The following LHFPL3 variants were observed in gnomAD, a reference collection of about 807,000 sequenced individuals.
The protein encoded by LHFPL3 is LHFPL tetraspan subfamily member 3.
Under a neutral mutation model 19.3 loss-of-function variants are expected in LHFPL3, and 5 were observed. That is an observed-to-expected ratio of 0.26 (90% CI 0.14 to 0.54). The LOEUF (loss-of-function observed/expected upper bound fraction) is 0.54. Among genes scored for constraint, LHFPL3 ranks in the 20% least tolerant of loss-of-function variants. The pLI, the probability that LHFPL3 is intolerant of heterozygous loss-of-function variation, is 0.94. For missense variants in LHFPL3, 249 were observed against 307.4 expected (o/e 0.81, Z 1.42); for synonymous variants, 133 against 126.2 (o/e 1.05, Z -0.36).
chr7:104,375,650 C>T (rs1026149352), intron 1 of LHFPL3, among the ~76,000 whole-genome samples: 4 of 152,056 alleles, frequency 2.6e-5, no homozygotes, highest in East Asian at 1.9e-4. Context: ...TTGAAATGTT[C>T]GTAACATTTA....
intron 1 of LHFPL3, among the ~76,000 whole-genome samples, chr7:104,645,055 T>C (rs1454718606): frequency 6.6e-6 from 1 of 152,216 alleles, no homozygotes; most frequent in East Asian, 1.9e-4. Flanking sequence ...AGGCAGCCAT[T>C]CAGGTTTTTC....
At chr7:104,382,627 G>T (rs916459629) in intron 1 of LHFPL3, among the ~76,000 whole-genome samples, 1 of 152,188 alleles carries the variant, frequency 6.6e-6, no homozygotes, top group African/African-American at 2.4e-5. Context: ...CCAAGTTTGA[G>T]TACCACTGAC....
chr7:104,558,130 A>C (rs1450613290), intron 1 of LHFPL3, among the ~76,000 whole-genome samples: 22 of 150,752 alleles, frequency 1.5e-4, no homozygotes, highest in Non-Finnish European at 2.5e-4. Flanking sequence ...ATAATGCCGC[A>C]ATAAACATAC....
chr7:104,365,766 C>A (rs1790475371), intron 1 of LHFPL3, among the ~76,000 whole-genome samples: 2 of 101,834 alleles, frequency 2.0e-5, no homozygotes, highest in East Asian at 3.3e-4. Flanking sequence ...CCGGCCTGGG[C>A]GACAGAGCGA....
intron 1 of LHFPL3, among the ~76,000 whole-genome samples, chr7:104,584,702 A>T (rs1051478199): frequency 4.5e-4 from 69 of 152,238 alleles, no homozygotes; most frequent in African/African-American, 1.6e-3. Flanking sequence ...GAACGAATGC[A>T]TTTTCTTAAG....
In LHFPL3 at chr7:104,680,115, C is replaced by T. The variant is rs147627266; in HGVS notation, c.446-56560C>T. Among the ~76,000 whole-genome samples the T allele has an allele frequency of 7.2e-5, 11 of 152,282 alleles. No individual in the cohort carries two copies. The East Asian group carries it at 9.6e-4, about 13-fold the overall frequency. ...TTCAAAGCAGACTCTTCTTCAGAGT[C>T]GCAGAGAGGAAGGAACGCAATGAGC... is the stretch of plus-strand genomic sequence containing the variant. On this transcript the variant is annotated intron_variant, in intron 1 of 2. Coordinates refer to ENST00000424859, the MANE Select transcript of LHFPL3 (RefSeq NM_199000.3).
At chr7:104,404,369 C>T (rs998848368) in intron 1 of LHFPL3, among the ~76,000 whole-genome samples, 6 of 152,140 alleles carry the variant, frequency 3.9e-5, no homozygotes, top group African/African-American at 1.4e-4. Context: ...TTTGGAGTTA[C>T]ACTTTTAACC....
intron 2 of LHFPL3, among the ~76,000 whole-genome samples, chr7:104,860,207 C>CAT (rs1491459615): frequency 6.6e-6 from 1 of 151,078 alleles, no homozygotes; most frequent in Non-Finnish European, 1.5e-5. Flanking sequence ...CACACACACA[C>CAT]GCATACCTCA....
chr7:104,389,290 T>C (rs1562882768), intron 1 of LHFPL3, among the ~76,000 whole-genome samples: 1 of 152,030 alleles, frequency 6.6e-6, no homozygotes, highest in Non-Finnish European at 1.5e-5. Context: ...TCAAAAATAA[T>C]AAAATATTCA....
At chr7:104,386,216 G>T (rs1790939653) in intron 1 of LHFPL3, among the ~76,000 whole-genome samples, 1 of 152,150 alleles carries the variant, frequency 6.6e-6, no homozygotes, top group Non-Finnish European at 1.5e-5. Context: ...TTTTCAAAAA[G>T]TCCCATTCCC....
intron 2 of LHFPL3, among the ~76,000 whole-genome samples, chr7:104,807,011 A>ATATATGTGTG (rs1377044318): frequency 4.3e-5 from 6 of 139,672 alleles, no homozygotes; most frequent in African/African-American, 1.3e-4. Context: ...CAAAATATAT[A>ATATATGTGTG]TGTGTGTGTG....
At chr7:104,331,665 C>T (rs1389189721) in intron 1 of LHFPL3, among the ~76,000 whole-genome samples, 1 of 152,112 alleles carries the variant, frequency 6.6e-6, no homozygotes, top group Non-Finnish European at 1.5e-5. Flanking sequence ...AAAGTTTAGT[C>T]TAGGCCGGGC....
intron 2 of LHFPL3, among the ~76,000 whole-genome samples, chr7:104,792,352 A>C (rs1333413450): frequency 6.6e-6 from 1 of 152,210 alleles, no homozygotes; most frequent in Non-Finnish European, 1.5e-5. Flanking sequence ...AAGCCATAGC[A>C]AGTGTCTCAC....
At chr7:104,386,292 A>G (rs2116461794) in intron 1 of LHFPL3, among the ~76,000 whole-genome samples, 1 of 152,322 alleles carries the variant, frequency 6.6e-6, no homozygotes, top group East Asian at 1.9e-4. Context: ...GGGAATTGTC[A>G]TTATCTGACC....
chr7:104,501,301 G>A (rs1490343247), intron 1 of LHFPL3, among the ~76,000 whole-genome samples: 4 of 152,050 alleles, frequency 2.6e-5, no homozygotes, highest in Admixed American at 1.3e-4. Flanking sequence ...AACAGCATTC[G>A]TTCTACTAAT....
At chr7:104,579,686 T>C (rs1287737397) in intron 1 of LHFPL3, among the ~76,000 whole-genome samples, 2 of 152,220 alleles carry the variant, frequency 1.3e-5, no homozygotes, top group African/African-American at 4.8e-5. Context: ...TTACTCCATT[T>C]AGAGTTAAGC....
intron 2 of LHFPL3, among the ~76,000 whole-genome samples, chr7:104,881,766 T>C (rs1792061901): frequency 1.3e-5 from 2 of 152,148 alleles, no homozygotes; most frequent in Admixed American, 1.3e-4. Flanking sequence ...CAGCATCACG[T>C]GCTATAGAAA....
chr7:104,684,924 G>A (rs1792776901), intron 1 of LHFPL3, among the ~76,000 whole-genome samples: 1 of 152,106 alleles, frequency 6.6e-6, no homozygotes, highest in Non-Finnish European at 1.5e-5. Context: ...CCTCTTTTGA[G>A]GGAAAAAGAA....
At chr7:104,336,331 C>A (rs1324747865) in intron 1 of LHFPL3, among the ~76,000 whole-genome samples, 1 of 151,980 alleles carries the variant, frequency 6.6e-6, no homozygotes, top group Non-Finnish European at 1.5e-5. Context: ...TAGAAATAAT[C>A]TCCCTCAGCA....
Sources: gnomAD v4.1 joint callset for allele counts (sites outside exome capture counted in the v4.1 genomes callset) on GRCh38, gnomAD v4.1.1 for gene constraint, MANE v1.5 for transcripts, NCBI Gene and HGNC (gene_info 2026-07-23, HGNC 2026-07-21) for gene names.